DIAPH2: variants seen among roughly 807,000 people sequenced by gnomAD.
DIAPH2 encodes the protein diaphanous related formin 2.
Under a neutral mutation model 92.7 loss-of-function variants are expected in DIAPH2, and 35 were observed. That is an observed-to-expected ratio of 0.38 (90% confidence interval 0.29 to 0.50). The LOEUF is 0.50. Ranked by LOEUF, DIAPH2 falls within the 20% of genes least tolerant of loss-of-function variation. DIAPH2 has a pLI of 0.94. For missense variants in DIAPH2, 701 were observed against 819.5 expected (o/e 0.86, Z 1.77); for synonymous variants, 301 against 280.4 (o/e 1.07, Z -0.73).
Position 97,470,894 on chromosome X carries a change from G to A in DIAPH2, c.3241+41149G>A, listed in dbSNP as rs761900270. Among the ~76,000 whole-genome samples the A allele has an allele frequency of 2.7e-5, 3 of 111,346 alleles. No individual in the cohort carries two copies. In the East Asian group the frequency reaches 8.4e-4, roughly 31 times the overall value. Reference sequence around the variant, plus strand: ...TTTATTGAGGAAGCCTCATTTTAATGCTGTATAGAGAAGCCCGAATGACAT... The same window carrying A: ...TTTATTGAGGAAGCCTCATTTTAATACTGTATAGAGAAGCCCGAATGACAT... On this transcript the variant is annotated intron_variant, in intron 26 of 26. Transcript: ENST00000324765.
chrX:97,383,558 CTTA>C (rs1243059488), intron 24 of DIAPH2, among the ~76,000 whole-genome samples: 1 of 107,318 alleles, frequency 9.3e-6, no homozygotes, highest in Non-Finnish European at 1.9e-5. Context: ...ATAAAGTATA[CTTA>C]TTGTTAAATC....
At position 97,596,565 on chromosome X, in the gene DIAPH2, T is replaced by C. The variant is rs143389767; in HGVS notation, c.3242-2688T>C. Among the ~76,000 whole-genome samples, 297 of 111,753 alleles carry C rather than the reference T, an allele frequency of 2.7e-3. 1 individual carries two copies. Among genetic ancestry groups the C allele is most frequent in the African/African-American group, 9.2e-3 (282 of 30,773 alleles). On this transcript the variant is annotated intron_variant, in intron 26 of 26. Coordinates refer to ENST00000324765, the MANE Select transcript of DIAPH2 (RefSeq NM_006729.5). Reference sequence around the variant, plus strand: ...GGATTCAGGCTGGGTCTCATGGAGCTCTCAGATCATATCACATGAGCACCC... The same window carrying C: ...GGATTCAGGCTGGGTCTCATGGAGCCCTCAGATCATATCACATGAGCACCC...
intron 23 of DIAPH2, among the ~76,000 whole-genome samples, chrX:97,258,379 G>C (rs2147565229): frequency 9.0e-6 from 1 of 110,513 alleles, no homozygotes; most frequent in East Asian, 2.9e-4. Flanking sequence ...TTCGAGACCA[G>C]CCTGGACAAC....
intron 4 of DIAPH2, among the ~76,000 whole-genome samples, chrX:96,810,535 T>G (rs925893961): frequency 1.9e-4 from 21 of 112,011 alleles, no homozygotes; most frequent in Non-Finnish European, 3.6e-4. Flanking sequence ...AGATCCCATT[T>G]GTCAATTTTG....
chrX:97,184,547 C>T (rs933952108), intron 22 of DIAPH2, among the ~76,000 whole-genome samples: 18 of 111,507 alleles, frequency 1.6e-4, no homozygotes, highest in African/African-American at 5.9e-4. Context: ...AAAATCCCTA[C>T]TCCACAGTCA....
At chrX:97,188,093 A>G (rs949772373) in intron 22 of DIAPH2, among the ~76,000 whole-genome samples, 1 of 112,102 alleles carries the variant, frequency 8.9e-6, no homozygotes, top group African/African-American at 3.2e-5. Context: ...TCTTTGGAGT[A>G]GAAGACGAAG....
At chrX:96,870,325 G>C (rs995397751) in intron 4 of DIAPH2, among the ~76,000 whole-genome samples, 22 of 110,094 alleles carry the variant, frequency 2.0e-4, no homozygotes, top group African/African-American at 7.3e-4. Flanking sequence ...GCAGTGGCGT[G>C]ATCTTGGCTC....
chrX:97,458,191 T>TGG (rs35939231), intron 26 of DIAPH2, among the ~76,000 whole-genome samples: 158 of 111,171 alleles, frequency 1.4e-3, no homozygotes, highest in African/African-American at 4.8e-3. Context: ...TTGGGATAAT[T>TGG]GGGGGGATTC....
At chrX:96,823,639 G>T (rs1204115230) in intron 4 of DIAPH2, among the ~76,000 whole-genome samples, 1 of 110,681 alleles carries the variant, frequency 9.0e-6, no homozygotes, top group Non-Finnish European at 1.9e-5. Flanking sequence ...GTTGTGAAAT[G>T]AGGCAAAAGG....
intron 4 of DIAPH2, among the ~76,000 whole-genome samples, chrX:96,844,968 TG>T (rs1231647960): frequency 1.4e-4 from 16 of 112,243 alleles, no homozygotes; most frequent in Admixed American, 1.4e-3. Flanking sequence ...TAAAACACTT[TG>T]TTAAGGAAAA....
At chrX:97,098,637 C>T (rs1183508787) in intron 19 of DIAPH2, among the ~76,000 whole-genome samples, 1 of 112,496 alleles carries the variant, frequency 8.9e-6, no homozygotes, top group African/African-American at 3.2e-5. Context: ...GTTGGTCAGG[C>T]TGGTCTCGAA....
chrX:97,486,834 C>A (rs1156868948), intron 26 of DIAPH2, among the ~76,000 whole-genome samples: 3,715 of 111,972 alleles, frequency 0.033, 64 homozygotes, highest in Admixed American at 0.044. Context: ...ATATTGTTAA[C>A]TATAGGCACT....
At chrX:96,897,104 C>T (rs1171699955) in intron 5 of DIAPH2, among the ~76,000 whole-genome samples, 1 of 111,585 alleles carries the variant, frequency 9.0e-6, no homozygotes, top group Non-Finnish European at 1.9e-5. Flanking sequence ...CATCGTACAT[C>T]ATGGCGACTG....
intron 22 of DIAPH2, among the ~76,000 whole-genome samples, chrX:97,202,894 T>G (rs1054816565): frequency 8.2e-5 from 9 of 110,127 alleles, no homozygotes; most frequent in Admixed American, 7.7e-4. Flanking sequence ...TTCTCAGCAC[T>G]TATTCTAAAA....
At chrX:97,551,348 G>A (rs58146271) in intron 26 of DIAPH2, among the ~76,000 whole-genome samples, 41,915 of 110,129 alleles carry the variant, frequency 0.38, 6,760 homozygotes, top group Non-Finnish European at 0.51. Flanking sequence ...CCAGCACTTT[G>A]GGAGGCTGAG....
rs958934261 is a variant in DIAPH2 at position 96,832,761 on chromosome X, A to G, written c.448-48818A>G. Among the ~76,000 whole-genome samples the G allele has an allele frequency of 5.4e-5, 6 of 111,959 alleles. No homozygotes were observed. The South Asian group carries it at 1.9e-3, about 35-fold the overall frequency. On this transcript the variant is annotated intron_variant, in intron 4 of 26. Transcript: ENST00000324765. ...AAAGTCTCCATTTTTCCATGATTTC[A>G]TAAAAGTTGCTGTTGGCAATGATTC...
chrX:96,848,665 T>A (rs1328964323), intron 4 of DIAPH2, among the ~76,000 whole-genome samples: 1 of 112,072 alleles, frequency 8.9e-6, no homozygotes, highest in Non-Finnish European at 1.9e-5. Flanking sequence ...TGTTCATAAT[T>A]TGATGCATTT....
intron 19 of DIAPH2, among the ~76,000 whole-genome samples, chrX:97,086,760 C>A (rs890676920): frequency 1.8e-5 from 2 of 111,147 alleles, no homozygotes; most frequent in Non-Finnish European, 3.8e-5. Flanking sequence ...CCTTATTTCG[C>A]GGGAGGAGAA....
At chrX:97,205,295 C>T (rs781613877) in intron 22 of DIAPH2, among the ~76,000 whole-genome samples, 1 of 111,825 alleles carries the variant, frequency 8.9e-6, no homozygotes, top group East Asian at 2.8e-4. Context: ...CTGCCAAAAG[C>T]GATGGCAACA....
Sources: gnomAD v4.1 joint callset for allele counts (sites outside exome capture counted in the v4.1 genomes callset) on GRCh38, gnomAD v4.1.1 for gene constraint, MANE v1.5 for transcripts, NCBI Gene and HGNC (gene_info 2026-07-23, HGNC 2026-07-21) for gene names.